Variants in SLC43A2 observed in about 807,000 individuals in gnomAD.
The protein encoded by SLC43A2 is large neutral amino acids transporter small subunit 4.
Under a neutral mutation model 63.2 loss-of-function variants are expected in SLC43A2, and 38 were observed. The ratio of observed to expected loss-of-function variants is 0.60; its 90% confidence interval spans 0.46 to 0.79. SLC43A2 has a LOEUF of 0.79. SLC43A2 is among the 30% of genes least tolerant of loss of function. SLC43A2 has a pLI of 0.00. For synonymous variants in SLC43A2, 322 were observed against 331.0 expected (o/e 0.97, Z 0.30); for missense variants, 644 against 756.2 (o/e 0.85, Z 1.74).
intron 13 of SLC43A2, among the ~76,000 whole-genome samples, chr17:1,576,073 CTTTTTT>C (rs56013428): frequency 2.5e-5 from 2 of 81,536 alleles, no homozygotes; most frequent in Non-Finnish European, 4.8e-5. Context: ...GAACTGTGTT[CTTTTTT>C]TTTTTTTTTT....
rs1416665244 is a variant in SLC43A2 at position 1,574,514 on chromosome 17, T to C, written c.*1090A>G. The C allele has an allele frequency of 6.6e-6, 1 of 152,102 alleles. No homozygotes were observed. Among genetic ancestry groups the C allele is most frequent in the Non-Finnish European group, 1.5e-5 (1 of 67,906 alleles). 9.4% of individuals were successfully genotyped at this position (152,102 alleles called of 1,614,324 possible). A position where few individuals can be genotyped will look rare whatever the true frequency, so the allele number is the denominator to read the frequency against. On this transcript the variant is annotated 3_prime_UTR_variant, in exon 14 of 14. Coordinates refer to ENST00000301335, the MANE Select transcript of SLC43A2 (RefSeq NM_152346.3). ...CACCCCTCTAAGCACGCCCAGGAGG[T>C]CTCAAGACACACTTCTGGGGGCAGT...
chr17:1,582,284 C>T (rs1307669168), intron 11 of SLC43A2, among the ~76,000 whole-genome samples: 2 of 152,080 alleles, frequency 1.3e-5, no homozygotes, highest in Non-Finnish European at 2.9e-5. Context: ...TTCACCAAGT[C>T]GCCCAGGCTG....
chr17:1,594,638 A>G (rs1221648333), intron 5 of SLC43A2, among the ~76,000 whole-genome samples: 1 of 126,880 alleles, frequency 7.9e-6, no homozygotes, highest in African/African-American at 3.0e-5. Context: ...CCCAGGCTGT[A>G]CTGCAGTGGC....
rs1041439618 is a variant in SLC43A2, at chr17:1,605,794, GC to G, written c.501+7400del. On this transcript the variant is annotated intron_variant, in intron 5 of 13. Transcript: ENST00000301335. The surrounding 1 kb of genome is among the most constrained non-coding windows in gnomAD (Gnocchi z 4.9). ...GCTGTTTCCTACCCACAACAACCGG[GC>G]ACCTCCAAGCACATGCTGCCCGGGA... Among the ~76,000 whole-genome samples the G allele has an allele frequency of 4.4e-4, 67 of 152,192 alleles. No homozygotes were observed. Among genetic ancestry groups the G allele is most frequent in the African/African-American group, 1.6e-3 (65 of 41,452 alleles).
chr17:1,614,935 C>G, intron 4 of SLC43A2, 44 bp downstream of exon 4: 1 of 1,602,958 alleles, frequency 6.2e-7, no homozygotes. Context: ...TCAGGGCACT[C>G]TCTCCCCGGT....
intron 9 of SLC43A2, chr17:1,586,928 T>TGGCCCCCCCCCCCCCC: frequency 2.1e-5 from 26 of 1,232,764 alleles, no homozygotes; most frequent in Non-Finnish European, 2.7e-5. Context: ...TCCCTGACAA[T>TGGCCCCCCCCCCCCCC]CCCCCCCACC....
chr17:1,586,194 G>C, intron 9 of SLC43A2, 143 bp from the exon 10 acceptor site: 1 of 1,298,548 alleles, frequency 7.7e-7, no homozygotes, highest in Non-Finnish European at 1.0e-6. Flanking sequence ...GTCTTGCGAG[G>C]AGCCCGGAGA....
intron 2 of SLC43A2, among the ~76,000 whole-genome samples, chr17:1,623,866 C>G (rs981551549): frequency 6.7e-6 from 1 of 150,264 alleles, no homozygotes; most frequent in Non-Finnish European, 1.5e-5. Context: ...CAGGGTGTAC[C>G]CTCCTCTCCT....
chr17:1,594,764 A>ATT (rs1156993862), intron 5 of SLC43A2, among the ~76,000 whole-genome samples: 1 of 150,514 alleles, frequency 6.6e-6, no homozygotes, highest in Non-Finnish European at 1.5e-5. Flanking sequence ...ATTTTTTTGT[A>ATT]TTTTCAGTAG....
chr17:1,602,197 G>A (rs1451863877), intron 5 of SLC43A2, among the ~76,000 whole-genome samples: 2 of 152,158 alleles, frequency 1.3e-5, no homozygotes, highest in African/African-American at 4.8e-5. Context: ...TATAGAGACA[G>A]GGTCTCACTC....
Position 1,605,417 on chromosome 17 carries a change from A to T in SLC43A2, c.501+7778T>A, listed in dbSNP as rs2151064796. ...GTGCGGGCGCGGGAGCTTCTCTAAGATGCCGGACGTACGTGCCTTTTGGCC... is the reference window on the plus strand; with the variant it reads ...GTGCGGGCGCGGGAGCTTCTCTAAGTTGCCGGACGTACGTGCCTTTTGGCC... On this transcript the variant is annotated intron_variant, in intron 5 of 13. Coordinates refer to ENST00000301335, the MANE Select transcript of SLC43A2 (RefSeq NM_152346.3). The surrounding 1 kb of genome is among the most constrained non-coding windows in gnomAD (Gnocchi z 4.9). 5.5e-6 allele frequency: 1 copy of T among 182,752 alleles called. No homozygotes were observed. The highest frequency in any genetic ancestry group is 1.8e-4 in the South Asian group (1 of 5,554). The allele number at this position is 182,752 out of a possible 1,614,324, so 11.3% of individuals were successfully genotyped here.
intron 3 of SLC43A2, among the ~76,000 whole-genome samples, chr17:1,615,733 C>T (rs1354117603): frequency 6.7e-6 from 1 of 148,938 alleles, no homozygotes; most frequent in African/African-American, 2.5e-5. Context: ...GTCCCAGCTA[C>T]TCGGGAGGCT....
chr17:1,604,932 G>A (rs1322204921), intron 5 of SLC43A2: 42 of 1,521,846 alleles, frequency 2.8e-5, no homozygotes, highest in Middle Eastern at 3.5e-4. Context: ...GTTCGAAGCC[G>A]CGGTGCCGGA....
In SLC43A2 at chr17:1,593,610, G is replaced by T. The variant is rs1287240869; in HGVS notation, c.502-331C>A. On this transcript the variant is annotated intron_variant, in intron 5 of 13. Transcript: ENST00000301335. This position sits in a 1 kb window ranked among gnomAD's most constrained non-coding sequence, Gnocchi z 5.3. ...TAACACTGAGATGCCAGAGAACAAAGTTATGAGCCTCAGGCAGCCCTCAAA... is the reference window on the plus strand; with the variant it reads ...TAACACTGAGATGCCAGAGAACAAATTTATGAGCCTCAGGCAGCCCTCAAA... Among the ~76,000 whole-genome samples, 2 of 152,160 alleles carry T rather than the reference G, an allele frequency of 1.3e-5. No individual in the cohort carries two copies. Among genetic ancestry groups the T allele is most frequent in the African/African-American group, 4.8e-5 (2 of 41,428 alleles).
rs1376352575 is a variant in SLC43A2 at position 1,616,418 on chromosome 17, G to A, written c.368+144C>T. The A allele has an allele frequency of 3.1e-5, 23 of 752,688 alleles. No homozygotes were observed. In the Middle Eastern group the frequency reaches 1.2e-3, roughly 38 times the overall value. 46.6% of individuals were successfully genotyped at this position (752,688 alleles called of 1,614,324 possible). ...AGTACCTGCTGATTCGGTGGCGGAC[G>A]GGGTAGGAACTCCATTCTGGAGGGC... On this transcript the variant is annotated intron_variant, in intron 3 of 13. Coordinates refer to ENST00000301335, the MANE Select transcript of SLC43A2 (RefSeq NM_152346.3).
chr17:1,584,029 G>A (rs1049684967), intron 10 of SLC43A2, among the ~76,000 whole-genome samples: 15 of 151,956 alleles, frequency 9.9e-5, no homozygotes, highest in African/African-American at 3.6e-4. Flanking sequence ...CCGAGTAGCT[G>A]GGACTACAGG....
rs556320753 is a variant in SLC43A2 at position 1,627,599 on chromosome 17, A to G, written c.160+116T>C. 6.6e-6 allele frequency: 7 copies of G among 1,053,224 alleles called. No homozygotes were observed. In the South Asian group the frequency reaches 1.3e-4, roughly 19 times the overall value. 65.2% of individuals were successfully genotyped at this position (1,053,224 alleles called of 1,614,324 possible). A position where few individuals can be genotyped will look rare whatever the true frequency, so the allele number is the denominator to read the frequency against. On this transcript the variant is annotated intron_variant, in intron 2 of 13. Transcript: ENST00000301335. ...GTGAGGATCAGATGGGCCTTCTGATACCCTAGAGGCACTGGGCAATGCGGT... is the reference window on the plus strand; with the variant it reads ...GTGAGGATCAGATGGGCCTTCTGATGCCCTAGAGGCACTGGGCAATGCGGT...
chr17:1,609,250 G>A (rs1415590584), intron 5 of SLC43A2, among the ~76,000 whole-genome samples: 3 of 152,132 alleles, frequency 2.0e-5, no homozygotes, highest in Non-Finnish European at 4.4e-5. Context: ...CGCCCAGGCC[G>A]GAGTGCAGTG....
rs776181366 is a variant in SLC43A2 at position 1,578,366 on chromosome 17, AC to A, written c.1351-44del. On this transcript the variant is annotated intron_variant, in intron 11 of 13. Transcript: ENST00000301335. This position sits in a 1 kb window ranked among gnomAD's most constrained non-coding sequence, Gnocchi z 6.5. ...GACTGTGGGCATAAGGCCTTAAGGGACCGTCCCCTCAGCCCCCGCCCTCCAA... is the reference window on the plus strand; with the variant it reads ...GACTGTGGGCATAAGGCCTTAAGGGACGTCCCCTCAGCCCCCGCCCTCCAA... The A allele has an allele frequency of 3.1e-6, 5 of 1,591,200 alleles. No homozygotes were observed. The South Asian group carries it at 5.6e-5, about 18-fold the overall frequency.
Sources: gnomAD v4.1 joint callset for allele counts (sites outside exome capture counted in the v4.1 genomes callset) on GRCh38, gnomAD v4.1.1 for gene constraint, Gnocchi (gnomAD v3.1) non-coding constraint, MANE v1.5 for transcripts, NCBI Gene and HGNC (gene_info 2026-07-23, HGNC 2026-07-21) for gene names.